PDGFRL: variants seen among roughly 807,000 people sequenced by gnomAD.
PDGFRL encodes platelet derived growth factor receptor like.
A neutral mutation model predicts 37.2 loss-of-function variants in PDGFRL; 46 were observed. The observed-to-expected ratio is 1.24, with a 90% confidence interval of 0.98 to 1.58. The LOEUF (loss-of-function observed/expected upper bound fraction) is 1.58, where lower values mean the gene tolerates loss of function less well. PDGFRL is among the 40% of genes most tolerant of loss of function. PDGFRL has a pLI of 0.00. For synonymous variants in PDGFRL, 251 were observed against 184.3 expected, an observed-to-expected ratio of 1.36 and a Z score of -2.93; for missense variants, 692 against 467.6, an observed-to-expected ratio of 1.48 and a Z score of -4.43.
At chr8:17,638,846 C>CT (rs1305568842) in intron 5 of PDGFRL, among the ~76,000 whole-genome samples, 4 of 144,094 alleles carry the variant, frequency 2.8e-5, no homozygotes, top group Non-Finnish European at 6.0e-5. Flanking sequence ...CCGTCTTTCT[C>CT]TTTTTTAACT....
intron 1 of PDGFRL, among the ~76,000 whole-genome samples, chr8:17,584,043 A>G (rs551547293): frequency 3.3e-5 from 5 of 152,302 alleles, no homozygotes; most frequent in African/African-American, 4.8e-5. Context: ...GAGATAGTAT[A>G]AATGTCTGGA....
chr8:17,594,671 C>T (rs1804014231), intron 2 of PDGFRL, among the ~76,000 whole-genome samples: 1 of 152,216 alleles, frequency 6.6e-6, no homozygotes, highest in Non-Finnish European at 1.5e-5. Flanking sequence ...TCTCCTGCCT[C>T]AGCCTCTGGA....
At chr8:17,605,040 C>G (rs926939424) in intron 2 of PDGFRL, among the ~76,000 whole-genome samples, 2 of 152,106 alleles carry the variant, frequency 1.3e-5, no homozygotes, top group African/African-American at 4.8e-5. Context: ...TTGCTTGACT[C>G]TGGGAGGTGG....
At chr8:17,641,021 C>A (rs546531512) in intron 5 of PDGFRL, among the ~76,000 whole-genome samples, 1 of 152,024 alleles carries the variant, frequency 6.6e-6, no homozygotes, top group African/African-American at 2.4e-5. Context: ...TATGGCTGCT[C>A]TGCTGTGTCA....
intron 4 of PDGFRL, among the ~76,000 whole-genome samples, chr8:17,631,830 C>G (rs943931222): frequency 6.6e-6 from 1 of 152,200 alleles, no homozygotes; most frequent in Non-Finnish European, 1.5e-5. Flanking sequence ...TTGGTCAGCT[C>G]TTAGCCTTCT....
intron 5 of PDGFRL, among the ~76,000 whole-genome samples, chr8:17,641,311 CTG>C (rs1458372802): frequency 1.3e-5 from 2 of 152,202 alleles, no homozygotes; most frequent in Non-Finnish European, 1.5e-5. Flanking sequence ...GTCCAGGAAA[CTG>C]TGTTTGGTCA....
chr8:17,578,122 C>T (rs1172331620), intron 1 of PDGFRL, among the ~76,000 whole-genome samples: 3 of 152,018 alleles, frequency 2.0e-5, no homozygotes, highest in Non-Finnish European at 4.4e-5. Flanking sequence ...GTTTTGTTTG[C>T]TCTATTCACT....
At chr8:17,607,097 T>C (rs1158822923) in intron 2 of PDGFRL, among the ~76,000 whole-genome samples, 2 of 152,004 alleles carry the variant, frequency 1.3e-5, no homozygotes. Context: ...GGTTTCCTCA[T>C]GTTGGCCAGG....
intron 3 of PDGFRL, among the ~76,000 whole-genome samples, chr8:17,626,896 A>G (rs1377952739): frequency 6.6e-6 from 1 of 152,200 alleles, no homozygotes; most frequent in Non-Finnish European, 1.5e-5. Context: ...AGGCAGAGTA[A>G]TTTCAGAGGA....
chr8:17,641,244 C>G (rs1181439502), intron 5 of PDGFRL, among the ~76,000 whole-genome samples: 2 of 152,200 alleles, frequency 1.3e-5, no homozygotes, highest in Admixed American at 1.3e-4. Context: ...CATCTCCTAC[C>G]TGCCACGGTT....
intron 5 of PDGFRL, 98 bp downstream of exon 5, chr8:17,634,311 C>A (rs906148945): frequency 2.0e-5 from 19 of 928,470 alleles, no homozygotes; most frequent in Non-Finnish European, 3.1e-5. Context: ...GTGCTATATG[C>A]CATAACTTCA....
At chr8:17,602,498 C>T (rs556664047) in intron 2 of PDGFRL, among the ~76,000 whole-genome samples, 1 of 152,112 alleles carries the variant, frequency 6.6e-6, no homozygotes, top group East Asian at 1.9e-4. Context: ...TTTTTTAAAG[C>T]TGTAGACTAA....
intron 2 of PDGFRL, among the ~76,000 whole-genome samples, chr8:17,597,586 G>T (rs2246379): frequency 3.9e-5 from 6 of 151,904 alleles, no homozygotes; most frequent in East Asian, 1.9e-4. Flanking sequence ...TGTCACAGTT[G>T]CTTACTAAAT....
In PDGFRL at chr8:17,639,206, TAC is replaced by T. The variant is rs764618673; in HGVS notation, c.940-3406_940-3405del. 3.5e-4 allele frequency among the ~76,000 whole-genome samples: 54 copies of T among 152,206 alleles called. 1 individual carries two copies. The highest frequency in any genetic ancestry group is 2.1e-4 in the Non-Finnish European group (14 of 68,036). On this transcript the variant is annotated intron_variant, in intron 5 of 5. Coordinates refer to ENST00000251630, the MANE Select transcript of PDGFRL (RefSeq NM_001372073.1). ...AGCAGATACTTGGTTGGTGACTTCT[TAC>T]CCATTCTGCCATTCTGAATCTTTTA...
chr8:17,587,367 C>T (rs992195856), intron 1 of PDGFRL, among the ~76,000 whole-genome samples: 19 of 152,120 alleles, frequency 1.2e-4, no homozygotes, highest in Non-Finnish European at 7.3e-5. Context: ...CTCTGTTTGT[C>T]TAAATTCCAT....
At chr8:17,577,908 A>C (rs1585292307) in intron 1 of PDGFRL, among the ~76,000 whole-genome samples, 1 of 151,816 alleles carries the variant, frequency 6.6e-6, no homozygotes, top group Non-Finnish European at 1.5e-5. Context: ...ATATTTATCT[A>C]ATTGGATGGG....
intron 2 of PDGFRL, among the ~76,000 whole-genome samples, chr8:17,591,215 A>G (rs1803932165): frequency 6.6e-6 from 1 of 152,066 alleles, no homozygotes; most frequent in Non-Finnish European, 1.5e-5. Context: ...TAAGTCTATG[A>G]CTGTTACAGT....
chr8:17,617,140 C>A (rs555115712), intron 2 of PDGFRL, among the ~76,000 whole-genome samples: 3 of 152,252 alleles, frequency 2.0e-5, no homozygotes, highest in African/African-American at 7.2e-5. Flanking sequence ...TACACATACA[C>A]GGGGTCTTAA....
chr8:17,582,799 G>T (rs898966888), intron 1 of PDGFRL, among the ~76,000 whole-genome samples: 1 of 152,100 alleles, frequency 6.6e-6, no homozygotes, highest in Non-Finnish European at 1.5e-5. Flanking sequence ...GAAAATAAGA[G>T]AAAGGCCTTA....
Sources: gnomAD v4.1 joint callset for allele counts (sites outside exome capture counted in the v4.1 genomes callset) on GRCh38, gnomAD v4.1.1 for gene constraint, MANE v1.5 for transcripts, NCBI Gene and HGNC (gene_info 2026-07-23, HGNC 2026-07-21) for gene names.